Variants in EYS observed in about 807,000 individuals in gnomAD.
EYS encodes protein eyes shut homolog.
EYS carries 250 observed loss-of-function variants against 282.1 expected under a neutral mutation model. The ratio of observed to expected loss-of-function variants is 0.89; its 90% CI spans 0.80 to 0.98. The LOEUF (loss-of-function observed/expected upper bound fraction) is 0.98. Ranked by LOEUF, EYS falls within the 50% of genes least tolerant of loss-of-function variation. The pLI, the probability that EYS is intolerant of heterozygous loss-of-function variation, is 0.00. For missense variants in EYS, 4,016 were observed against 3,709.0 expected (o/e 1.08, Z -2.15); for synonymous variants, 1,355 against 1,282.9 (o/e 1.06, Z -1.20).
chr6:65,135,852 T>G (rs539910541), intron 12 of EYS, among the ~76,000 whole-genome samples: 33 of 152,186 alleles, frequency 2.2e-4, no homozygotes, highest in African/African-American at 7.7e-4. Context: ...CAAATTGTCC[T>G]GTATGTCTCA....
chr6:64,495,408 T>A (rs908869280), intron 26 of EYS, among the ~76,000 whole-genome samples: 1 of 151,846 alleles, frequency 6.6e-6, no homozygotes, highest in Non-Finnish European at 1.5e-5. Context: ...TGTCCTTCAA[T>A]AGCCAGGAAA....
chr6:65,358,267 G>A (rs143102488), intron 8 of EYS, among the ~76,000 whole-genome samples: 1,533 of 151,710 alleles, frequency 0.01, 15 homozygotes, highest in Admixed American at 0.018. Context: ...AATTTTCTGT[G>A]GTCTGGGAAT....
chr6:64,104,066 T>C (rs1772922704), intron 31 of EYS, among the ~76,000 whole-genome samples: 1 of 152,162 alleles, frequency 6.6e-6, no homozygotes, highest in African/African-American at 2.4e-5. Flanking sequence ...ATGTACATTT[T>C]GATTTTGTTG....
intron 2 of EYS, among the ~76,000 whole-genome samples, chr6:65,635,367 C>T (rs1767049038): frequency 6.6e-6 from 1 of 152,124 alleles, no homozygotes; most frequent in East Asian, 1.9e-4. Context: ...AAAATTATGA[C>T]AGTAAAAGAG....
At chr6:65,655,487 G>A (rs932174296) in intron 1 of EYS, among the ~76,000 whole-genome samples, 3 of 151,590 alleles carry the variant, frequency 2.0e-5, no homozygotes, top group Admixed American at 6.6e-5. Flanking sequence ...ATGGTACAAT[G>A]AAAATGGCAC....
intron 11 of EYS, among the ~76,000 whole-genome samples, chr6:65,318,882 T>C (rs1769390080): frequency 6.7e-6 from 1 of 150,008 alleles, no homozygotes; most frequent in Non-Finnish European, 1.5e-5. Flanking sequence ...GCTCAAGGGA[T>C]CCACCCGCCT....
At chr6:64,316,847 T>G (rs1769987629) in intron 29 of EYS, among the ~76,000 whole-genome samples, 1 of 152,162 alleles carries the variant, frequency 6.6e-6, no homozygotes, top group Admixed American at 6.5e-5. Flanking sequence ...AACAGCATGG[T>G]ACTGGTCCCA....
At chr6:64,141,669 A>G (rs1774342353) in intron 31 of EYS, among the ~76,000 whole-genome samples, 1 of 152,206 alleles carries the variant, frequency 6.6e-6, no homozygotes, top group African/African-American at 2.4e-5. Flanking sequence ...TAAGAATGGT[A>G]TTTCTAATTT....
intron 26 of EYS, among the ~76,000 whole-genome samples, chr6:64,542,185 A>G (rs1764710360): frequency 6.6e-6 from 1 of 152,128 alleles, no homozygotes; most frequent in African/African-American, 2.4e-5. Context: ...TCCATCAAGA[A>G]AGAAAAATAG....
chr6:65,663,858 T>C (rs1768098411), intron 1 of EYS, among the ~76,000 whole-genome samples: 1 of 109,582 alleles, frequency 9.1e-6, no homozygotes, highest in Admixed American at 1.1e-4. Context: ...TTTTTTGTTT[T>C]TTCTTTTCTT....
rs1235479143 is a variant in EYS, at chr6:65,227,654, A to G, written c.2023+68209T>C. On this transcript the variant is annotated intron_variant, in intron 12 of 42. Coordinates refer to ENST00000503581, the MANE Select transcript of EYS (RefSeq NM_001142800.2). ...TATAGGAGCATTATTAATAATAGAC[A>G]AAAGCTTAAATATCTGAAATATCCA... 4.6e-5 allele frequency among the ~76,000 whole-genome samples: 7 copies of G among 152,172 alleles called. No individual in the cohort carries two copies. In the East Asian group the frequency reaches 1.2e-3, roughly 25 times the overall value.
intron 35 of EYS, among the ~76,000 whole-genome samples, chr6:63,909,739 G>A (rs1773867586): frequency 6.6e-6 from 1 of 152,162 alleles, no homozygotes; most frequent in East Asian, 1.9e-4. Context: ...AAATTAACTG[G>A]GGAGGTGTAA....
intron 22 of EYS, among the ~76,000 whole-genome samples, chr6:64,776,379 G>A (rs1351195976): frequency 1.3e-5 from 2 of 151,986 alleles, no homozygotes; most frequent in Non-Finnish European, 2.9e-5. Context: ...CAGGGTTTAC[G>A]CCAATCTATA....
intron 30 of EYS, among the ~76,000 whole-genome samples, chr6:64,296,541 AATATATATATATATATATATATATATAT>A (rs1211614579): frequency 2.5e-4 from 4 of 15,728 alleles, no homozygotes; most frequent in South Asian, 3.0e-3. Flanking sequence ...GTACTGGCAG[AATATATATATATATATATATATATATAT>A]ATATATATAT....
intron 31 of EYS, among the ~76,000 whole-genome samples, chr6:64,114,950 C>A (rs1285788593): frequency 1.3e-5 from 2 of 152,166 alleles, no homozygotes; most frequent in African/African-American, 4.8e-5. Context: ...CCCATACATG[C>A]CCCTGACCCT....
intron 2 of EYS, among the ~76,000 whole-genome samples, chr6:65,608,795 A>C (rs1191760993): frequency 1.3e-5 from 2 of 152,060 alleles, no homozygotes; most frequent in African/African-American, 4.8e-5. Context: ...CTTGTTAAAA[A>C]CTAAGATACA....
At chr6:65,521,698 T>C (rs1209324300) in intron 2 of EYS, among the ~76,000 whole-genome samples, 1 of 152,168 alleles carries the variant, frequency 6.6e-6, no homozygotes. Context: ...TGGCTATATT[T>C]AAAGTATTCA....
intron 15 of EYS, among the ~76,000 whole-genome samples, chr6:64,941,688 C>T (rs1270277344): frequency 1.3e-5 from 2 of 152,056 alleles, no homozygotes; most frequent in Non-Finnish European, 2.9e-5. Flanking sequence ...TTAGCTTCCA[C>T]TTATAAGTGA....
At chr6:63,953,166 C>A (rs1429919766) in intron 35 of EYS, among the ~76,000 whole-genome samples, 2 of 152,154 alleles carry the variant, frequency 1.3e-5, no homozygotes, top group East Asian at 1.9e-4. Context: ...CCCCTCATCC[C>A]AGCCTGTTTT....
Sources: gnomAD v4.1 joint callset for allele counts (sites outside exome capture counted in the v4.1 genomes callset) on GRCh38, gnomAD v4.1.1 for gene constraint, MANE v1.5 for transcripts, NCBI Gene and HGNC (gene_info 2026-07-23, HGNC 2026-07-21) for gene names.